The following SLC30A5 variants were observed in gnomAD, a reference collection of about 807,000 sequenced individuals.
The protein encoded by SLC30A5 is proton-coupled zinc antiporter SLC30A5.
A neutral mutation model predicts 79.6 loss-of-function variants in SLC30A5; 33 were observed. The ratio of observed to expected loss-of-function variants is 0.41; its 90% CI spans 0.31 to 0.55. The LOEUF (loss-of-function observed/expected upper bound fraction) is 0.55. Ranked by LOEUF, SLC30A5 falls within the 20% of genes least tolerant of loss-of-function variation. SLC30A5 has a pLI of 0.20. For synonymous variants in SLC30A5, 299 were observed against 319.7 expected, an observed-to-expected ratio of 0.94 and a Z score of 0.69; for missense variants, 788 against 928.1, an observed-to-expected ratio of 0.85 and a Z score of 1.96.
chr5:69,115,831 C>T (rs1024411163), intron 8 of SLC30A5, 95 bp from the exon 9 acceptor site: 16 of 1,040,906 alleles, frequency 1.5e-5, no homozygotes, highest in Admixed American at 1.2e-4. Context: ...TTGAATCATG[C>T]GATTTTTATT....
intron 5 of SLC30A5, among the ~76,000 whole-genome samples, chr5:69,110,840 G>T (rs900312473): frequency 1.2e-4 from 18 of 151,958 alleles, no homozygotes; most frequent in African/African-American, 4.4e-4. Context: ...CAGGAAATCA[G>T]CAAAAAACTG....
At chr5:69,107,459 T>C (rs1176633541) in intron 4 of SLC30A5, among the ~76,000 whole-genome samples, 1 of 152,220 alleles carries the variant, frequency 6.6e-6, no homozygotes, top group Non-Finnish European at 1.5e-5. Flanking sequence ...TAAAATAATT[T>C]ATAGTATAGT....
intron 5 of SLC30A5, 74 bp downstream of exon 5, chr5:69,108,510 T>C: frequency 8.8e-7 from 1 of 1,138,112 alleles, no homozygotes. Flanking sequence ...GAATAAAATC[T>C]TATCTTTCAC....
Position 69,117,539 on chromosome 5 carries a change from G to GAT in SLC30A5, c.1439+144_1439+145insTA, listed in dbSNP as rs112088507. The GAT allele has an allele frequency of 1.8e-3, 1,295 of 728,582 alleles. 17 individuals are homozygous for GAT. The African/African-American group carries it at 0.019, about 11-fold the overall frequency. 45.1% of individuals were successfully genotyped at this position (728,582 alleles called of 1,614,324 possible). A position where few individuals can be genotyped will look rare whatever the true frequency, so the allele number is the denominator to read the frequency against. On this transcript the variant is annotated intron_variant, in intron 11 of 15. Transcript: ENST00000396591. Reference sequence around the variant, plus strand: ...AAATGTGAAGTAAATAAGGGGATGTGAATCGGGCATTTGATAAATACTGAA... The same window carrying GAT: ...AAATGTGAAGTAAATAAGGGGATGTGATAATCGGGCATTTGATAAATACTGAA...
chr5:69,097,750 G>A (rs1745787567), intron 1 of SLC30A5, among the ~76,000 whole-genome samples: 1 of 151,982 alleles, frequency 6.6e-6, no homozygotes, highest in African/African-American at 2.4e-5. Context: ...TGTTGCCCAG[G>A]TTGATCTCGA....
At chr5:69,118,891 C>G (rs1746461480) in intron 12 of SLC30A5, among the ~76,000 whole-genome samples, 1 of 148,642 alleles carries the variant, frequency 6.7e-6, no homozygotes, top group Non-Finnish European at 1.5e-5. Flanking sequence ...GCCTCCACCT[C>G]TCAGGCTCAA....
chr5:69,115,180 C>G lies in SLC30A5; in HGVS notation c.613-57C>G, dbSNP rs989080515. ...AAAAAAAAAAAGATCATGTATTTAA[C>G]GACTGACTGTTGAACTGTGTGTGTT... On this transcript the variant is annotated intron_variant, in intron 7 of 15. Coordinates refer to ENST00000396591, the MANE Select transcript of SLC30A5 (RefSeq NM_022902.5). 2.3e-5 allele frequency: 20 copies of G among 867,408 alleles called. No homozygotes were observed. The African/African-American group carries it at 2.8e-4, about 12-fold the overall frequency. The allele number at this position is 867,408 out of a possible 1,614,324, so 53.7% of individuals were successfully genotyped here.
intron 7 of SLC30A5, among the ~76,000 whole-genome samples, chr5:69,114,775 G>A (rs537637219): frequency 6.6e-6 from 1 of 152,294 alleles, no homozygotes; most frequent in East Asian, 1.9e-4. Flanking sequence ...TGAGGCAGGA[G>A]AATCACTTGA....
intron 4 of SLC30A5, among the ~76,000 whole-genome samples, chr5:69,107,538 T>C (rs1268922444): frequency 3.3e-5 from 5 of 152,006 alleles, no homozygotes; most frequent in African/African-American, 9.7e-5. Context: ...TATAATTGTA[T>C]GTACTGTATT....
intron 1 of SLC30A5, among the ~76,000 whole-genome samples, chr5:69,094,939 CTCT>C (rs1479834443): frequency 1.3e-5 from 2 of 152,138 alleles, no homozygotes; most frequent in African/African-American, 4.8e-5. Flanking sequence ...CCCACTTCCT[CTCT>C]TCAATTCTCC....
At chr5:69,127,853 GTT>G in intron 14 of SLC30A5, 149 bp from the exon 15 acceptor site, 1 of 582,418 alleles carries the variant, frequency 1.7e-6, no homozygotes, top group Non-Finnish European at 2.9e-6. Context: ...ATTATGGCTG[GTT>G]TTTTGTTTGT....
intron 1 of SLC30A5, among the ~76,000 whole-genome samples, chr5:69,097,717 T>G (rs1745786520): frequency 6.6e-6 from 1 of 152,104 alleles, no homozygotes; most frequent in African/African-American, 2.4e-5. Flanking sequence ...TCTTTAATTT[T>G]TAGTAGAGAT....
At chr5:69,100,676 C>CT in intron 1 of SLC30A5, 131 bp from the exon 2 acceptor site, 1 of 590,738 alleles carries the variant, frequency 1.7e-6, no homozygotes, top group South Asian at 2.7e-5. Context: ...TTTGGGGACT[C>CT]TGTTTTGTTT....
chr5:69,107,738 T>C (rs1203862688), intron 4 of SLC30A5, among the ~76,000 whole-genome samples: 3 of 151,182 alleles, frequency 2.0e-5, no homozygotes, highest in Non-Finnish European at 4.4e-5. Context: ...CCTGTACTTT[T>C]TTTTTTTTTT....
Position 69,094,271 on chromosome 5 carries a change from G to A in SLC30A5, c.16G>A (p.Gly6Ser), listed in dbSNP as rs1580158788. ...GAGCCCCGGGATGGAGGAGAAATAC[G>A]GCGGGGACGTGCTGGCCGGCCCCGG... The part of the protein sequence containing the change: MEEKY[G>S]GDVLAGPGGG... The change falls in exon 1 of 16, where the codon GGC becomes AGC. Residue 6 changes from glycine (G) to serine (S), a missense_variant. By Grantham distance (56) the Gly-to-Ser change is moderately conservative. Transcript: ENST00000396591. The A allele has an allele frequency of 7.9e-7, 1 of 1,260,176 alleles. No individual in the cohort carries two copies. The allele number at this position is 1,260,176 out of a possible 1,614,324, so 78.1% of individuals were successfully genotyped here.
intron 14 of SLC30A5, among the ~76,000 whole-genome samples, chr5:69,126,529 G>A (rs1011117295): frequency 2.6e-5 from 4 of 152,100 alleles, no homozygotes; most frequent in Non-Finnish European, 4.4e-5. Flanking sequence ...TTGGGAGGCC[G>A]AGGCGGGCGG....
chr5:69,100,854 C>T lies in SLC30A5; in HGVS notation c.131C>T (p.Ala44Val), dbSNP rs1286112989. Residue 44 changes from alanine to valine, a missense_variant, in exon 2 of 16, where the codon GCT becomes GTT. Around this residue, in one of 3 missense-constraint regions of SLC30A5, gnomAD observed 626 missense variants for 755.5 expected, o/e 0.83. Coordinates refer to ENST00000396591, the MANE Select transcript of SLC30A5 (RefSeq NM_022902.5). The part of the protein sequence containing the change: ...VLLCFTKFLK[A>V]VGLFESYDLL... ...CTATGTTTCACTAAATTTTTGAAGG[C>T]TGTGGGACTTTTCGAATCATATGAT... is the stretch of plus-strand genomic sequence containing the variant. 6.2e-7 allele frequency: 1 copy of T among 1,607,496 alleles called. No homozygotes were observed. Among genetic ancestry groups the T allele is most frequent in the Admixed American group, 1.7e-5 (1 of 59,794 alleles).
chr5:69,116,709 C>A lies in SLC30A5; in HGVS notation c.1281+107C>A. ...CCCAAATTTCTGATAATAAGATGAG[C>A]TAAAATTTAAATTTTTTCTAAGTAT... is the stretch of plus-strand genomic sequence containing the variant. On this transcript the variant is annotated intron_variant, in intron 10 of 15. Transcript: ENST00000396591. This position sits in a 1 kb window ranked among gnomAD's most constrained non-coding sequence, Gnocchi z 4.0. 1 of 716,832 alleles carries A rather than the reference C, an allele frequency of 1.4e-6. No homozygotes were observed. The highest frequency in any genetic ancestry group is 2.1e-6 in the Non-Finnish European group (1 of 483,654). The allele number at this position is 716,832 out of a possible 1,614,324, so 44.4% of individuals were successfully genotyped here. A position where few individuals can be genotyped will look rare whatever the true frequency, so the allele number is the denominator to read the frequency against.
intron 5 of SLC30A5, among the ~76,000 whole-genome samples, chr5:69,111,357 T>G (rs1230537963): frequency 6.7e-6 from 1 of 148,152 alleles, no homozygotes; most frequent in Non-Finnish European, 1.5e-5. Flanking sequence ...CAGGCTGGTG[T>G]GCAGTGGCAC....
Sources: gnomAD v4.1 joint callset for allele counts (sites outside exome capture counted in the v4.1 genomes callset) on GRCh38, gnomAD v4.1.1 for gene constraint, gnomAD v4.1.1 regional missense constraint, Gnocchi (gnomAD v3.1) non-coding constraint, MANE v1.5 for transcripts, NCBI Gene and HGNC (gene_info 2026-07-23, HGNC 2026-07-21) for gene names.